The following SCHIP1 variants were observed in gnomAD, a reference collection of about 807,000 sequenced individuals.
SCHIP1 encodes the protein schwannomin interacting protein 1, also known as schwannomin-interacting protein 1.
Under a neutral mutation model 29.7 loss-of-function variants are expected in SCHIP1, and 8 were observed. The observed-to-expected ratio is 0.27, with a 90% CI of 0.16 to 0.49. The LOEUF (loss-of-function observed/expected upper bound fraction) is 0.49. SCHIP1 is among the 20% of genes least tolerant of loss of function. The probability of loss-of-function intolerance (pLI) is 0.99; values close to 1 mark genes in which losing one functional copy is unlikely to be tolerated. For missense variants in SCHIP1, 193 were observed against 294.6 expected (o/e 0.66, Z 2.52); for synonymous variants, 76 against 94.9 (o/e 0.80, Z 1.16).
At chr3:159,426,689 C>G in the SCHIP1 span, among the ~76,000 whole-genome samples, 4 of 152,126 alleles carry the variant, frequency 2.6e-5, no homozygotes, top group Non-Finnish European at 5.9e-5. Context: ...TTTTATGAGG[C>G]CAGCATCATC....
At chr3:159,572,647 G>A in the SCHIP1 span, among the ~76,000 whole-genome samples, 1 of 152,198 alleles carries the variant, frequency 6.6e-6, no homozygotes, top group African/African-American at 2.4e-5. Flanking sequence ...TTGTTGCAGA[G>A]CTGAGTTCAA....
chr3:159,379,166 G>A, the SCHIP1 span, among the ~76,000 whole-genome samples: 2 of 151,740 alleles, frequency 1.3e-5, no homozygotes, highest in African/African-American at 2.4e-5. Flanking sequence ...CATAAATGGA[G>A]TGATATAATA....
chr3:159,376,890 C>T, the SCHIP1 span, among the ~76,000 whole-genome samples: 1 of 152,198 alleles, frequency 6.6e-6, no homozygotes, highest in Non-Finnish European at 1.5e-5. Flanking sequence ...CTCAGGAGAA[C>T]TTGTGGCTTC....
the SCHIP1 span, among the ~76,000 whole-genome samples, chr3:159,503,126 C>T: frequency 6.6e-6 from 1 of 152,142 alleles, no homozygotes; most frequent in African/African-American, 2.4e-5. Flanking sequence ...GTGTGTCTCA[C>T]TGACATTAAT....
the SCHIP1 span, among the ~76,000 whole-genome samples, chr3:159,360,971 G>A: frequency 6.6e-6 from 1 of 152,130 alleles, no homozygotes; most frequent in Non-Finnish European, 1.5e-5. Context: ...CAATATCGGG[G>A]TTACTTTTAT....
At chr3:159,592,828 G>A in the SCHIP1 span, among the ~76,000 whole-genome samples, 6 of 152,156 alleles carry the variant, frequency 3.9e-5, no homozygotes, top group African/African-American at 1.4e-4. Context: ...GCCTGTGCTT[G>A]AGGGTGGGAT....
the SCHIP1 span, among the ~76,000 whole-genome samples, chr3:159,740,389 C>G: frequency 2.0e-5 from 3 of 152,236 alleles, no homozygotes; most frequent in East Asian, 5.8e-4. Context: ...GTTGGGGAGT[C>G]ACCTAAGGAA....
At chr3:159,539,448 G>T in the SCHIP1 span, among the ~76,000 whole-genome samples, 1 of 136,202 alleles carries the variant, frequency 7.3e-6, no homozygotes, top group Non-Finnish European at 1.7e-5. Context: ...GACTTGAGAT[G>T]GAGTTAAGGA....
the SCHIP1 span, among the ~76,000 whole-genome samples, chr3:159,564,920 C>T: frequency 6.6e-6 from 1 of 152,218 alleles, no homozygotes; most frequent in African/African-American, 2.4e-5. Flanking sequence ...GACATGAATA[C>T]TCTCACATAT....
At chr3:159,427,474 G>C in the SCHIP1 span, among the ~76,000 whole-genome samples, 75 of 151,878 alleles carry the variant, frequency 4.9e-4, no homozygotes, top group Non-Finnish European at 1.1e-3. Flanking sequence ...AAATACCTAG[G>C]AATCCAACTT....
the SCHIP1 span, among the ~76,000 whole-genome samples, chr3:159,823,354 T>C: frequency 6.6e-6 from 1 of 152,182 alleles, no homozygotes; most frequent in Non-Finnish European, 1.5e-5. Flanking sequence ...AATTACAGAA[T>C]ACCCCTCAGG....
the SCHIP1 span, among the ~76,000 whole-genome samples, chr3:159,661,595 G>T: frequency 2.0e-5 from 3 of 152,166 alleles, no homozygotes; most frequent in Non-Finnish European, 4.4e-5. Flanking sequence ...AGTGAAATGT[G>T]CCCCAAACAC....
the SCHIP1 span, among the ~76,000 whole-genome samples, chr3:159,646,035 C>T: frequency 6.6e-6 from 1 of 152,106 alleles, no homozygotes; most frequent in Non-Finnish European, 1.5e-5. Context: ...TTAAAAATTG[C>T]TCCCAGGGGA....
the SCHIP1 span, among the ~76,000 whole-genome samples, chr3:159,655,208 C>T: frequency 6.6e-6 from 1 of 152,130 alleles, no homozygotes; most frequent in Non-Finnish European, 1.5e-5. Context: ...TAATATGCTA[C>T]CAGTTACTAC....
the SCHIP1 span, among the ~76,000 whole-genome samples, chr3:159,304,464 TA>T: frequency 2.0e-5 from 3 of 152,302 alleles, no homozygotes; most frequent in African/African-American, 7.2e-5. Flanking sequence ...TTTCCTTCCA[TA>T]AATGAAGCTA....
chr3:159,538,330 T>C, the SCHIP1 span, among the ~76,000 whole-genome samples: 7 of 152,284 alleles, frequency 4.6e-5, no homozygotes, highest in Admixed American at 1.3e-4. Flanking sequence ...CACTTGTGAC[T>C]TGAGGAATTG....
the SCHIP1 span, among the ~76,000 whole-genome samples, chr3:159,585,178 G>A: frequency 5.1e-4 from 78 of 151,604 alleles, no homozygotes; most frequent in Non-Finnish European, 1.1e-3. Context: ...TATGGTTTTT[G>A]CTTGTCTAAC....
chr3:159,349,181 T>C, the SCHIP1 span, among the ~76,000 whole-genome samples: 1 of 152,240 alleles, frequency 6.6e-6, no homozygotes, highest in South Asian at 2.1e-4. Flanking sequence ...ATGATTGGTA[T>C]GCTAACCAAA....
the SCHIP1 span, among the ~76,000 whole-genome samples, chr3:159,359,811 G>A: frequency 2.0e-5 from 3 of 152,148 alleles, no homozygotes; most frequent in African/African-American, 7.2e-5. Context: ...GCTACTCTAA[G>A]AAAAGATCCT....
Sources: gnomAD v4.1 joint callset for allele counts (sites outside exome capture counted in the v4.1 genomes callset) on GRCh38, gnomAD v4.1.1 for gene constraint, MANE v1.5 for transcripts, NCBI Gene and HGNC (gene_info 2026-07-23, HGNC 2026-07-21) for gene names.